DHTKD1: variants seen among roughly 807,000 people sequenced by gnomAD.
DHTKD1 encodes dehydrogenase E1 and transketolase domain containing 1.
DHTKD1 carries 78 observed loss-of-function variants against 101.8 expected under a neutral mutation model. That is an observed-to-expected ratio of 0.77 (90% CI 0.64 to 0.93). The LOEUF is 0.93. Among genes scored for constraint, DHTKD1 ranks in the 40% least tolerant of loss-of-function variants. The pLI is 0.00. For missense variants in DHTKD1, 1,223 were observed against 1,161.7 expected, an observed-to-expected ratio of 1.05 and a Z score of -0.77; for synonymous variants, 462 against 450.3, an observed-to-expected ratio of 1.03 and a Z score of -0.33.
At chr10:12,118,109 C>T (rs12414405) in intron 14 of DHTKD1, among the ~76,000 whole-genome samples, 11,810 of 151,734 alleles carry the variant, frequency 0.078, 583 homozygotes, top group Non-Finnish European at 0.12. Context: ...AGGCTGGTCT[C>T]GAACTCCTGA....
chr10:12,106,540 T>A, intron 11 of DHTKD1, 144 bp downstream of exon 11: 1 of 1,031,722 alleles, frequency 9.7e-7, no homozygotes, highest in Non-Finnish European at 1.4e-6. Context: ...GTCACCCTGT[T>A]ATGACGGGAG....
Position 12,113,254 on chromosome 10 carries a change from A to G in DHTKD1, c.2319+190A>G, listed in dbSNP as rs528161406. On this transcript the variant is annotated intron_variant, in intron 13 of 16. Transcript: ENST00000263035. ...GCTCTGTCGCCCAGGCTGGAGTGCA[A>G]TGGTGCAATCTCGGCCCGTTGCAAC... Among the ~76,000 whole-genome samples the G allele has an allele frequency of 3.3e-5, 5 of 152,130 alleles. No individual in the cohort carries two copies. The East Asian group carries it at 9.7e-4, about 29-fold the overall frequency.
intron 6 of DHTKD1, among the ~76,000 whole-genome samples, chr10:12,092,202 T>C (rs4333925): frequency 1 from 151,946 of 152,086 alleles, 75,904 homozygotes; most frequent in Middle Eastern, 1. Context: ...AGGCTGGTCT[T>C]GAACTCCTGA....
chr10:12,088,878 CCTGG>C (rs1294104142), intron 4 of DHTKD1, 104 bp from the exon 5 acceptor site: 2 of 1,060,574 alleles, frequency 1.9e-6, no homozygotes, highest in Non-Finnish European at 2.8e-6. Flanking sequence ...AGCCACCACT[CCTGG>C]CTTTAAATTT....
At chr10:12,117,586 G>A in intron 13 of DHTKD1, 87 bp from the exon 14 acceptor site, 1 of 805,664 alleles carries the variant, frequency 1.2e-6, no homozygotes, top group Non-Finnish European at 2.2e-6. Context: ...TAGAACTTTG[G>A]TACTCGTGTT....
At chr10:12,085,226 T>C (rs1832879686) in intron 3 of DHTKD1, among the ~76,000 whole-genome samples, 1 of 151,808 alleles carries the variant, frequency 6.6e-6, no homozygotes, top group South Asian at 2.1e-4. Context: ...ATGGGAATCC[T>C]TGGAACCTGG....
chr10:12,109,933 T>C (rs927346883), intron 12 of DHTKD1, among the ~76,000 whole-genome samples: 1 of 152,076 alleles, frequency 6.6e-6, no homozygotes, highest in South Asian at 2.1e-4. Flanking sequence ...CTGGGACATA[T>C]TAAGGACTAT....
chr10:12,076,567 G>A (rs886817380), intron 1 of DHTKD1, among the ~76,000 whole-genome samples: 3 of 150,518 alleles, frequency 2.0e-5, no homozygotes, highest in Non-Finnish European at 3.0e-5. Context: ...GTGTGATGAC[G>A]TGCACCTGTA....
rs1410192734 is a variant in DHTKD1, at chr10:12,107,012, T to C, written c.2047+616T>C. ...CTTTTTTTTTTTTTTTGAGACGGAGTCTCGCTCTGTCACCCAGGCTGGAGT... is the reference window on the plus strand; with the variant it reads ...CTTTTTTTTTTTTTTTGAGACGGAGCCTCGCTCTGTCACCCAGGCTGGAGT... On this transcript the variant is annotated intron_variant, in intron 11 of 16. Coordinates refer to ENST00000263035, the MANE Select transcript of DHTKD1 (RefSeq NM_018706.7). This position sits in a 1 kb window ranked among gnomAD's most constrained non-coding sequence, Gnocchi z 4.1. 7.5e-5 allele frequency among the ~76,000 whole-genome samples: 11 copies of C among 146,962 alleles called. No homozygotes were observed. The highest frequency in any genetic ancestry group is 1.4e-4 in the Admixed American group (2 of 14,294).
Position 12,112,500 on chromosome 10 carries a change from G to GCA in DHTKD1, c.2155-371_2155-370dup, listed in dbSNP as rs141598482. On this transcript the variant is annotated intron_variant, in intron 12 of 16. Transcript: ENST00000263035. ...TTGATTTTTGTCTTAAAGCACGCGTGCACACACACACACACACACACACAC... is the reference window on the plus strand; with the variant it reads ...TTGATTTTTGTCTTAAAGCACGCGTGCACACACACACACACACACACACACAC... Among the ~76,000 whole-genome samples the GCA allele has an allele frequency of 1.6e-3, 244 of 151,142 alleles. 1 individual carries two copies. The highest frequency in any genetic ancestry group is 5.4e-3 in the African/African-American group (223 of 41,082).
chr10:12,074,899 G>A (rs1467393596), intron 1 of DHTKD1, among the ~76,000 whole-genome samples: 1 of 152,080 alleles, frequency 6.6e-6, no homozygotes, highest in Non-Finnish European at 1.5e-5. Flanking sequence ...GCCGAAGCCA[G>A]TGGGTTACTT....
chr10:12,090,377 C>CTTTT (rs1832968784), intron 5 of DHTKD1, among the ~76,000 whole-genome samples: 4 of 118,720 alleles, frequency 3.4e-5, no homozygotes, highest in South Asian at 4.0e-4. Context: ...CCCTTCCTTC[C>CTTTT]TTCCTTCCTT....
Position 12,103,022 on chromosome 10 carries a change from A to G in DHTKD1, c.1896+1841A>G, listed in dbSNP as rs1238036860. Reference sequence around the variant, plus strand: ...CAGATCACTTGAGGCCAGGAGTTCAACACTGGCCTGGCCAACATGGCGAAA... The same window carrying G: ...CAGATCACTTGAGGCCAGGAGTTCAGCACTGGCCTGGCCAACATGGCGAAA... On this transcript the variant is annotated intron_variant, in intron 10 of 16. Coordinates refer to ENST00000263035, the MANE Select transcript of DHTKD1 (RefSeq NM_018706.7). The surrounding 1 kb of genome is among the most constrained non-coding windows in gnomAD (Gnocchi z 4.8). 1.3e-5 allele frequency among the ~76,000 whole-genome samples: 2 copies of G among 152,226 alleles called. No individual in the cohort carries two copies. The highest frequency in any genetic ancestry group is 2.9e-5 in the Non-Finnish European group (2 of 68,044).
At chr10:12,113,180 C>T in intron 13 of DHTKD1, 116 bp downstream of exon 13, 4 of 984,518 alleles carry the variant, frequency 4.1e-6, no homozygotes, top group Non-Finnish European at 5.8e-6. Context: ...TTAGTTTCAA[C>T]TGACTTTGCT....
intron 1 of DHTKD1, among the ~76,000 whole-genome samples, chr10:12,077,938 T>C (rs1832759305): frequency 6.6e-6 from 1 of 151,710 alleles, no homozygotes; most frequent in South Asian, 2.1e-4. Context: ...CCCGAAGAAA[T>C]GGTAGTCTGA....
rs896834759 is a variant in DHTKD1 at position 12,107,380 on chromosome 10, C to T, written c.2048-529C>T. On this transcript the variant is annotated intron_variant, in intron 11 of 16. Transcript: ENST00000263035. This position sits in a 1 kb window ranked among gnomAD's most constrained non-coding sequence, Gnocchi z 4.1. ...TGGGAACGTTCCCCTTTGAGTTTGTCTTCCACTCGTAAAAGCCCAGGGCCT... is the reference window on the plus strand; with the variant it reads ...TGGGAACGTTCCCCTTTGAGTTTGTTTTCCACTCGTAAAAGCCCAGGGCCT... 3.3e-5 allele frequency among the ~76,000 whole-genome samples: 5 copies of T among 151,888 alleles called. No homozygotes were observed. Among genetic ancestry groups the T allele is most frequent in the African/African-American group, 1.2e-4 (5 of 41,378 alleles).
intron 1 of DHTKD1, among the ~76,000 whole-genome samples, chr10:12,069,516 TC>T: frequency 1.6e-5 from 2 of 122,096 alleles, no homozygotes; most frequent in South Asian, 5.3e-4. Context: ...TCTTTTTGTT[TC>T]CTTTTTTTTT....
At chr10:12,070,513 G>T (rs1388010918) in intron 1 of DHTKD1, among the ~76,000 whole-genome samples, 1 of 152,042 alleles carries the variant, frequency 6.6e-6, no homozygotes, top group Non-Finnish European at 1.5e-5. Context: ...TCCTAAAATG[G>T]AGTCTGGCTT....
In DHTKD1 at chr10:12,081,480, G is replaced by A. The variant is rs1832817599; in HGVS notation, c.163G>A (p.Gly55Ser). 3.1e-6 allele frequency: 5 copies of A among 1,614,012 alleles called. No individual in the cohort carries two copies. Among genetic ancestry groups the A allele is most frequent in the Middle Eastern group, 1.6e-4 (1 of 6,062 alleles). The stretch of plus-strand genomic sequence containing the variant: ...ATTTTCCCCTGATTTAGTTGATCAT[G>A]GCCTTGCCAGGTTGGTGACAGTATA... ...GALERPPVDH[G>S]LARLVTVYCE... Residue 55 changes from glycine (G) to serine (S), a missense_variant, in exon 2 of 17, where the codon GGC becomes AGC. By Grantham distance (56) the Gly-to-Ser change is moderately conservative. Coordinates refer to ENST00000263035, the MANE Select transcript of DHTKD1 (RefSeq NM_018706.7).
Sources: allele counts gnomAD v4.1 joint callset (sites outside exome capture counted in the v4.1 genomes callset), GRCh38; gene constraint gnomAD v4.1.1; non-coding constraint Gnocchi (gnomAD v3.1); transcripts MANE v1.5; gene names NCBI Gene and HGNC (gene_info 2026-07-23, HGNC 2026-07-21).